Variants in FILIP1L observed in about 807,000 individuals in gnomAD.
The protein encoded by FILIP1L is filamin A interacting protein 1 like, also known as filamin A-interacting protein 1-like.
A neutral mutation model predicts 96.6 loss-of-function variants in FILIP1L; 55 were observed. That is an observed-to-expected ratio of 0.57 (90% CI 0.46 to 0.71). FILIP1L has a LOEUF of 0.71. Among genes scored for constraint, FILIP1L ranks in the 30% least tolerant of loss-of-function variants. The probability of loss-of-function intolerance (pLI) is 0.00; values close to 1 mark genes in which losing one functional copy is unlikely to be tolerated. For missense variants in FILIP1L, 1,304 were observed against 1,321.2 expected (o/e 0.99, Z 0.20); for synonymous variants, 467 against 473.9 (o/e 0.99, Z 0.19).
Position 99,848,709 on chromosome 3 carries a change from A to G in FILIP1L, c.2967T>C (p.Ser989=), listed in dbSNP as rs1490643389. The G allele has an allele frequency of 6.2e-7, 1 of 1,614,174 alleles. No individual in the cohort carries two copies. Among genetic ancestry groups the G allele is most frequent in the South Asian group, 1.1e-5 (1 of 91,088 alleles). Residue 989 remains serine (S), a synonymous_variant, in exon 5 of 6, where the codon TCT becomes TCC. Coordinates refer to ENST00000477258, the MANE Select transcript of FILIP1L (RefSeq NM_001387850.1). Reference sequence around the variant, plus strand: ...TCCTTTCTGGAGTTAGAGAACCACAAGACTCTGGGGTCTGTGCTCTGGCAA... The same window carrying G: ...TCCTTTCTGGAGTTAGAGAACCACAGGACTCTGGGGTCTGTGCTCTGGCAA... The part of the protein sequence containing the change: ...ATFARAQTPE[S]CGSLTPERTM...
intron 1 of FILIP1L, among the ~76,000 whole-genome samples, chr3:100,041,822 TTA>T (rs2065209646): frequency 6.6e-6 from 1 of 152,224 alleles, no homozygotes; most frequent in African/African-American, 2.4e-5. Context: ...GTGCCTTGAT[TTA>T]TCTCACCTTT....
At chr3:99,882,370 CTG>C (rs1477131549) in intron 4 of FILIP1L, among the ~76,000 whole-genome samples, 1 of 152,166 alleles carries the variant, frequency 6.6e-6, no homozygotes, top group Non-Finnish European at 1.5e-5. Flanking sequence ...CAAAATAAAA[CTG>C]TCTCATATAA....
intron 1 of FILIP1L, among the ~76,000 whole-genome samples, chr3:99,941,381 T>A (rs1707846358): frequency 6.6e-6 from 1 of 152,256 alleles, no homozygotes; most frequent in Non-Finnish European, 1.5e-5. Context: ...TGAGAAAGAA[T>A]GACTAATTCT....
At chr3:99,973,459 C>T (rs1454740097) in intron 1 of FILIP1L, among the ~76,000 whole-genome samples, 1 of 152,078 alleles carries the variant, frequency 6.6e-6, no homozygotes. Flanking sequence ...CTAAAATATG[C>T]AGTTATAAAT....
rs1225340787 is a variant in FILIP1L, at chr3:99,848,339, T to C, written c.3337A>G (p.Ile1113Val). ...TTNKVTSSIT[I>V]TPTATPLPRQ... ...GGAAGAGGTGTGGCTGTTGGTGTGA[T>C]AGTAATACTGCTGGTGACTTTATTG... Residue 1113 changes from isoleucine (I) to valine (V), a missense_variant, in exon 5 of 6, where the codon ATC becomes GTC. Coordinates refer to ENST00000477258, the MANE Select transcript of FILIP1L (RefSeq NM_001387850.1). 1.2e-6 allele frequency: 2 copies of C among 1,614,080 alleles called. No individual in the cohort carries two copies. Among genetic ancestry groups the C allele is most frequent in the Non-Finnish European group, 1.7e-6 (2 of 1,180,020 alleles).
intron 1 of FILIP1L, chr3:100,010,247 C>T (rs9875640): frequency 0.18 from 71,995 of 395,120 alleles, 7,791 homozygotes; most frequent in Admixed American, 0.23. Context: ...GTATGTTTTT[C>T]CCCCCACAAC....
intron 1 of FILIP1L, among the ~76,000 whole-genome samples, chr3:100,031,350 G>A (rs2065018617): frequency 1.3e-5 from 2 of 152,022 alleles, no homozygotes; most frequent in African/African-American, 2.4e-5. Context: ...CAATAGAAAT[G>A]TTTCCAAAGT....
chr3:99,944,182 G>C (rs1244957283), intron 1 of FILIP1L, among the ~76,000 whole-genome samples: 1 of 152,206 alleles, frequency 6.6e-6, no homozygotes, highest in Admixed American at 6.5e-5. Flanking sequence ...TGCTAAACAA[G>C]TATTTTAAGA....
intron 4 of FILIP1L, among the ~76,000 whole-genome samples, chr3:99,855,918 C>T (rs764009189): frequency 2.6e-4 from 40 of 152,208 alleles, no homozygotes; most frequent in Non-Finnish European, 4.4e-4. Flanking sequence ...ACCAGTCATT[C>T]AGGAAAAGTC....
At chr3:100,077,721 G>A (rs983273658) in intron 1 of FILIP1L, among the ~76,000 whole-genome samples, 1 of 152,066 alleles carries the variant, frequency 6.6e-6, no homozygotes, top group African/African-American at 2.4e-5. Context: ...ACCAGCCTGG[G>A]CAACATGGCA....
rs948635099 is a variant in FILIP1L, at chr3:100,109,908, C to T, written c.-11+4145G>A. The T allele has an allele frequency of 1.3e-4, 16 of 120,984 alleles. 1 individual carries two copies. Among genetic ancestry groups the T allele is most frequent in the African/African-American group, 4.3e-4 (14 of 32,784 alleles). 7.5% of individuals were successfully genotyped at this position (120,984 alleles called of 1,614,324 possible). On this transcript the variant is annotated intron_variant, in intron 1 of 5. Transcript: ENST00000477258. ...CTGCAAATGTTTCTTTTATGACCCC[C>T]CCCCCCCAGCACCACCCCCCAGCCA...
intron 1 of FILIP1L, among the ~76,000 whole-genome samples, chr3:100,042,839 A>G (rs2065226911): frequency 6.6e-6 from 1 of 152,236 alleles, no homozygotes; most frequent in Admixed American, 6.5e-5. Flanking sequence ...AAGCTGGGAC[A>G]GTTCAAGAAA....
chr3:99,883,498 T>C (rs939910251), intron 4 of FILIP1L, among the ~76,000 whole-genome samples: 2 of 152,206 alleles, frequency 1.3e-5, no homozygotes, highest in Non-Finnish European at 2.9e-5. Flanking sequence ...CCTCCCCTTT[T>C]ATAGGCTATG....
At chr3:100,021,177 C>G (rs1042304886) in intron 1 of FILIP1L, among the ~76,000 whole-genome samples, 3 of 152,240 alleles carry the variant, frequency 2.0e-5, no homozygotes, top group African/African-American at 7.2e-5. Flanking sequence ...ACATAGAACA[C>G]ACTTGTGCCA....
chr3:99,855,974 C>G (rs1044731887), intron 4 of FILIP1L, among the ~76,000 whole-genome samples: 32 of 152,228 alleles, frequency 2.1e-4, no homozygotes, highest in African/African-American at 7.7e-4. Context: ...ACATATCCCT[C>G]TGGTACCCAT....
intron 1 of FILIP1L, among the ~76,000 whole-genome samples, chr3:100,020,571 C>T (rs1373442954): frequency 6.6e-6 from 1 of 152,082 alleles, no homozygotes; most frequent in Non-Finnish European, 1.5e-5. Context: ...TGGGTTATAT[C>T]TTTTGCCATA....
intron 5 of FILIP1L, chr3:99,848,041 A>T: frequency 8.1e-7 from 1 of 1,233,048 alleles, no homozygotes; most frequent in Non-Finnish European, 1.0e-6. Flanking sequence ...GTATTTATAC[A>T]AGTGCAGACT....
At chr3:100,083,719 T>A (rs967449671) in intron 1 of FILIP1L, among the ~76,000 whole-genome samples, 15 of 152,164 alleles carry the variant, frequency 9.9e-5, no homozygotes, top group South Asian at 2.1e-4. Context: ...ATAAAAAAAA[T>A]TTTTAACATC....
intron 1 of FILIP1L, among the ~76,000 whole-genome samples, chr3:100,074,968 A>G (rs2065827020): frequency 6.6e-6 from 1 of 152,240 alleles, no homozygotes; most frequent in Non-Finnish European, 1.5e-5. Flanking sequence ...TGCTGGGATT[A>G]CAGGCATGAG....
Sources: gnomAD v4.1 joint callset for allele counts (sites outside exome capture counted in the v4.1 genomes callset) on GRCh38, gnomAD v4.1.1 for gene constraint, MANE v1.5 for transcripts, NCBI Gene and HGNC (gene_info 2026-07-23, HGNC 2026-07-21) for gene names.